The following TSPAN8 variants were observed in gnomAD, a reference collection of about 807,000 sequenced individuals.
TSPAN8 encodes the protein tetraspanin-8.
Under a neutral mutation model 32.8 loss-of-function variants are expected in TSPAN8, and 21 were observed. The ratio of observed to expected loss-of-function variants is 0.64; its 90% CI spans 0.45 to 0.92. The LOEUF (loss-of-function observed/expected upper bound fraction) is 0.92. TSPAN8 is among the 40% of genes least tolerant of loss of function. TSPAN8 has a pLI of 0.00. For synonymous variants in TSPAN8, 95 were observed against 94.6 expected (o/e 1.00, Z -0.03); for missense variants, 269 against 281.9 (o/e 0.95, Z 0.33).
intron 6 of TSPAN8, among the ~76,000 whole-genome samples, chr12:71,136,702 A>G (rs1433470446): frequency 6.6e-6 from 1 of 152,224 alleles, no homozygotes; most frequent in Non-Finnish European, 1.5e-5. Flanking sequence ...GACTTTAAAG[A>G]AAAAAGGAGG....
At chr12:71,152,328 A>T (rs1211065606) in intron 2 of TSPAN8, among the ~76,000 whole-genome samples, 1 of 152,178 alleles carries the variant, frequency 6.6e-6, no homozygotes, top group Non-Finnish European at 1.5e-5. Flanking sequence ...TATTCTTGCT[A>T]TCTTATTTCC....
intron 2 of TSPAN8, among the ~76,000 whole-genome samples, chr12:71,150,187 C>G (rs1301751983): frequency 6.6e-6 from 1 of 152,174 alleles, no homozygotes; most frequent in Non-Finnish European, 1.5e-5. Context: ...CTTTCAAACC[C>G]TGTTTTCTGT....
chr12:71,145,091 C>T (rs1267400455), intron 2 of TSPAN8, among the ~76,000 whole-genome samples: 3 of 152,096 alleles, frequency 2.0e-5, no homozygotes, highest in African/African-American at 7.2e-5. Context: ...CAATTCTGAC[C>T]TTGCTGTGCT....
intron 6 of TSPAN8, 63 bp from the exon 7 acceptor site, chr12:71,132,887 T>G: frequency 6.4e-7 from 1 of 1,563,308 alleles, no homozygotes; most frequent in East Asian, 2.3e-5. Flanking sequence ...TGGCAATACA[T>G]TAAATTATAA....
intron 6 of TSPAN8, among the ~76,000 whole-genome samples, chr12:71,133,713 T>C (rs1425669340): frequency 1.3e-5 from 2 of 152,040 alleles, no homozygotes; most frequent in Admixed American, 6.6e-5. Flanking sequence ...CAGAATAAAC[T>C]GATCCATGGA....
At position 71,144,312 on chromosome 12, in the gene TSPAN8, C is replaced by T. The variant is rs868258955; in HGVS notation, c.61-99G>A. 9.5e-5 allele frequency: 96 copies of T among 1,012,978 alleles called. No individual in the cohort carries two copies. The Middle Eastern group carries it at 2.9e-3, about 30-fold the overall frequency. 62.7% of individuals were successfully genotyped at this position (1,012,978 alleles called of 1,614,324 possible). On this transcript the variant is annotated intron_variant, in intron 2 of 8. Coordinates refer to ENST00000247829, the MANE Select transcript of TSPAN8 (RefSeq NM_004616.3). ...CTATCCGGTGACAGTAGTTCATCATCGACTATACTATCACAACCTGGAAGA... is the reference window on the plus strand; with the variant it reads ...CTATCCGGTGACAGTAGTTCATCATTGACTATACTATCACAACCTGGAAGA...
At chr12:71,133,018 G>T (rs1298728527) in intron 6 of TSPAN8, among the ~76,000 whole-genome samples, 194 bp from the exon 7 acceptor site, 1 of 152,164 alleles carries the variant, frequency 6.6e-6, no homozygotes, top group East Asian at 1.9e-4. Flanking sequence ...ATTAATGATG[G>T]AAAAATGGAG....
chr12:71,152,640 T>A (rs1365065422), intron 2 of TSPAN8, among the ~76,000 whole-genome samples: 1 of 152,190 alleles, frequency 6.6e-6, no homozygotes, highest in African/African-American at 2.4e-5. Context: ...TCCTGCTCTA[T>A]CAACCAGTGG....
intron 3 of TSPAN8, among the ~76,000 whole-genome samples, chr12:71,140,241 C>T (rs893948881): frequency 3.3e-5 from 5 of 152,116 alleles, no homozygotes; most frequent in African/African-American, 1.2e-4. Flanking sequence ...GCTCTTTAAA[C>T]TATTGATAGA....
At chr12:71,149,790 C>T (rs780747283) in intron 2 of TSPAN8, among the ~76,000 whole-genome samples, 2 of 152,088 alleles carry the variant, frequency 1.3e-5, no homozygotes, top group East Asian at 1.9e-4. Flanking sequence ...AAAACATGTG[C>T]GTTTGAACAA....
At chr12:71,139,606 T>C in intron 4 of TSPAN8, 105 bp downstream of exon 4, 1 of 1,411,892 alleles carries the variant, frequency 7.1e-7, no homozygotes, top group East Asian at 2.3e-5. Flanking sequence ...AAGTTGGAGT[T>C]AGAGTTTCAT....
intron 2 of TSPAN8, among the ~76,000 whole-genome samples, chr12:71,151,152 C>T (rs1398835749): frequency 6.6e-6 from 1 of 151,958 alleles, no homozygotes; most frequent in African/African-American, 2.4e-5. Flanking sequence ...CAAGCTCCGC[C>T]TCCCGGGTTC....
At chr12:71,152,871 C>T (rs913183623) in intron 2 of TSPAN8, among the ~76,000 whole-genome samples, 1 of 152,206 alleles carries the variant, frequency 6.6e-6, no homozygotes, top group African/African-American at 2.4e-5. Flanking sequence ...TTGCTCTCAG[C>T]ACATCCAATC....
In TSPAN8 at chr12:71,125,235, C is replaced by T; in HGVS notation, c.*99G>A. ...TAGCCGAGACATTTTAAAAAGACAG[C>T]TGCTCCTGACTTATATAGCACTTAC... is the stretch of plus-strand genomic sequence containing the variant. On this transcript the variant is annotated 3_prime_UTR_variant, in exon 9 of 9. Coordinates refer to ENST00000247829, the MANE Select transcript of TSPAN8 (RefSeq NM_004616.3). 2.0e-6 allele frequency: 2 copies of T among 979,460 alleles called. No homozygotes were observed. The highest frequency in any genetic ancestry group is 1.6e-5 in the South Asian group (1 of 62,734). The allele number at this position is 979,460 out of a possible 1,614,324, so 60.7% of individuals were successfully genotyped here.
chr12:71,127,482 T>C (rs1231308982), intron 8 of TSPAN8, among the ~76,000 whole-genome samples: 1 of 151,858 alleles, frequency 6.6e-6, no homozygotes, highest in East Asian at 1.9e-4. Flanking sequence ...CTGCAGAGAG[T>C]CTAGAAATCA....
At chr12:71,145,663 C>G (rs768218269) in intron 2 of TSPAN8, among the ~76,000 whole-genome samples, 4 of 152,170 alleles carry the variant, frequency 2.6e-5, no homozygotes, top group African/African-American at 4.8e-5. Context: ...CTTTGTTAAA[C>G]AGTTTGTGAG....
intron 8 of TSPAN8, 136 bp downstream of exon 8, chr12:71,129,195 C>G (rs867657034): frequency 1.1e-6 from 1 of 934,238 alleles, no homozygotes; most frequent in Middle Eastern, 3.1e-4. Context: ...GCATCCAGTG[C>G]TTTTCTAAAG....
chr12:71,157,821 G>T, intron 1 of TSPAN8, 34 bp from the exon 2 acceptor site: 1 of 637,052 alleles, frequency 1.6e-6, no homozygotes, highest in South Asian at 2.0e-5. Context: ...AAGAAGTAGA[G>T]GGAGGAATAA....
At chr12:71,135,536 A>G (rs73142404) in intron 6 of TSPAN8, among the ~76,000 whole-genome samples, 4 of 75,708 alleles carry the variant, frequency 5.3e-5, no homozygotes, top group African/African-American at 1.3e-4. Flanking sequence ...AAGGGGAAGG[A>G]GAAGGAAAGA....
Sources: gnomAD v4.1 joint callset for allele counts (sites outside exome capture counted in the v4.1 genomes callset) on GRCh38, gnomAD v4.1.1 for gene constraint, MANE v1.5 for transcripts, NCBI Gene and HGNC (gene_info 2026-07-23, HGNC 2026-07-21) for gene names.